The following CDHR3 variants were observed in gnomAD, a reference collection of about 807,000 sequenced individuals.
The protein encoded by CDHR3 is cadherin related family member 3.
A neutral mutation model predicts 86.6 loss-of-function variants in CDHR3; 79 were observed. The observed-to-expected ratio is 0.91, with a 90% CI of 0.76 to 1.10. The LOEUF (loss-of-function observed/expected upper bound fraction) is 1.10. Ranked by LOEUF, CDHR3 falls within the 50% of genes least tolerant of loss-of-function variation. The pLI, the probability that CDHR3 is intolerant of heterozygous loss-of-function variation, is 0.00. For synonymous variants in CDHR3, 421 were observed against 402.4 expected (o/e 1.05, Z -0.55); for missense variants, 1,081 against 1,077.6 (o/e 1.00, Z -0.04).
chr7:105,970,183 G>C (rs1486382024), intron 1 of CDHR3, among the ~76,000 whole-genome samples: 1 of 145,596 alleles, frequency 6.9e-6, no homozygotes, highest in Non-Finnish European at 1.5e-5. Flanking sequence ...GAAGAAGATG[G>C]CATCACCCCA....
At chr7:106,024,599 CCTTTAGGACACTGT>C in intron 15 of CDHR3, 37 bp downstream of exon 15, 1 of 1,588,378 alleles carries the variant, frequency 6.3e-7, no homozygotes, top group East Asian at 2.2e-5. Context: ...TTCCCCACCT[CCTTTAGGACACTGT>C]TTCTGGTGAC....
intron 14 of CDHR3, among the ~76,000 whole-genome samples, chr7:106,022,795 A>G (rs907185069): frequency 4.0e-5 from 6 of 151,898 alleles, no homozygotes; most frequent in African/African-American, 1.2e-4. Context: ...TACCTTCACA[A>G]CCCCTCTCTG....
intron 18 of CDHR3, among the ~76,000 whole-genome samples, chr7:106,032,192 C>T (rs958203620): frequency 3.2e-4 from 49 of 152,282 alleles, no homozygotes; most frequent in East Asian, 1.9e-4. Context: ...CTGTGTGGTC[C>T]GAGCAGCACG....
In CDHR3 at chr7:106,032,605, T is replaced by C. The variant is rs1391531519; in HGVS notation, c.2566T>C (p.Ser856Pro). The C allele has an allele frequency of 6.2e-7, 1 of 1,613,760 alleles. No homozygotes were observed. Among genetic ancestry groups the C allele is most frequent in the Non-Finnish European group, 8.5e-7 (1 of 1,179,876 alleles). ...GTGGGCTGAGGATGCTGGTCTGGGT[T>C]CCAGAAATGAGGGTGGCAAGCTGGG... ...KAWAEDAGLG[S>P]RNEGGKLGNP... The change falls in exon 19 of 19, where the codon TCC becomes CCC. Residue 856 changes from serine to proline, a missense_variant. Coordinates refer to ENST00000317716, the MANE Select transcript of CDHR3 (RefSeq NM_152750.5).
intron 8 of CDHR3, chr7:106,004,895 A>G (rs1833732531): frequency 1.7e-6 from 1 of 587,544 alleles, no homozygotes; most frequent in African/African-American, 1.9e-5. Context: ...CTTCTTCATT[A>G]TCTCCCTTGT....
intron 8 of CDHR3, among the ~76,000 whole-genome samples, chr7:106,008,616 C>T (rs1834307130): frequency 6.6e-6 from 1 of 152,026 alleles, no homozygotes; most frequent in African/African-American, 2.4e-5. Flanking sequence ...CCTACAAGTC[C>T]ATTAGATGGG....
At position 106,032,785 on chromosome 7, in the gene CDHR3, A is replaced by G; in HGVS notation, c.*88A>G. ...ATGGTGTGGGCATGGTGTAGGGGGG[A>G]AAATGTGGGCTGAGGGGATTCAGAC... On this transcript the variant is annotated 3_prime_UTR_variant, in exon 19 of 19. Coordinates refer to ENST00000317716, the MANE Select transcript of CDHR3 (RefSeq NM_152750.5). The G allele has an allele frequency of 2.9e-6, 4 of 1,364,186 alleles. No individual in the cohort carries two copies. Among genetic ancestry groups the G allele is most frequent in the South Asian group, 1.5e-5 (1 of 66,734 alleles). 84.5% of individuals were successfully genotyped at this position (1,364,186 alleles called of 1,614,324 possible). A position where few individuals can be genotyped will look rare whatever the true frequency, so the allele number is the denominator to read the frequency against.
At chr7:106,003,675 C>T (rs1272479413) in intron 7 of CDHR3, among the ~76,000 whole-genome samples, 1 of 152,138 alleles carries the variant, frequency 6.6e-6, no homozygotes, top group East Asian at 1.9e-4. Flanking sequence ...GTCCTGATTG[C>T]ATCACCAAAA....
intron 12 of CDHR3, 128 bp from the exon 13 acceptor site, chr7:106,020,244 AT>A (rs1836356563): frequency 8.1e-6 from 6 of 739,424 alleles, no homozygotes; most frequent in Middle Eastern, 3.5e-4. Flanking sequence ...GGGAATAATC[AT>A]GTTAGCTATC....
Position 106,033,696 on chromosome 7 carries a change from GTGCCAC to G in CDHR3, c.*1003_*1008del, listed in dbSNP as rs1469767323. The stretch of plus-strand genomic sequence containing the variant: ...GTGGAGGTTACAGTGAGTTGAGATT[GTGCCAC>G]TGCACTCTAGCCTGGGTGACAAAGC... On this transcript the variant is annotated 3_prime_UTR_variant, in exon 19 of 19. Coordinates refer to ENST00000317716, the MANE Select transcript of CDHR3 (RefSeq NM_152750.5). The G allele has an allele frequency of 3.3e-5, 5 of 152,094 alleles. No homozygotes were observed. The highest frequency in any genetic ancestry group is 1.2e-4 in the African/African-American group (5 of 41,380). 9.4% of individuals were successfully genotyped at this position (152,094 alleles called of 1,614,324 possible). A position where few individuals can be genotyped will look rare whatever the true frequency, so the allele number is the denominator to read the frequency against.
rs527597409 is a variant in CDHR3, at chr7:106,029,505, A to G, written c.2304+923A>G. On this transcript the variant is annotated intron_variant, in intron 17 of 18. Transcript: ENST00000317716. ...AATTGTTAAGTGTCACACAAATGCA[A>G]AGTGTTACAGGATAGCTGGAAAGTT... 4.0e-5 allele frequency among the ~76,000 whole-genome samples: 6 copies of G among 151,390 alleles called. No individual in the cohort carries two copies. The Middle Eastern group carries it at 0.01, about 257-fold the overall frequency.
intron 1 of CDHR3, among the ~76,000 whole-genome samples, chr7:105,971,235 G>T (rs986202930): frequency 6.6e-6 from 1 of 151,990 alleles, no homozygotes; most frequent in African/African-American, 2.4e-5. Flanking sequence ...CTGCCTCAAA[G>T]TTTTAAGGAT....
chr7:106,016,997 A>G (rs1835732375), intron 11 of CDHR3, among the ~76,000 whole-genome samples: 1 of 152,222 alleles, frequency 6.6e-6, no homozygotes, highest in Non-Finnish European at 1.5e-5. Context: ...CTACAAAACA[A>G]GCCAGAATGC....
chr7:106,001,419 G>A (rs200450151), intron 6 of CDHR3, 43 bp from the exon 7 acceptor site: 109 of 1,607,910 alleles, frequency 6.8e-5, no homozygotes, highest in East Asian at 1.3e-4. Context: ...CTACCTTCCC[G>A]TGCCCCTGGA....
At chr7:106,013,720 C>A (rs918826244) in intron 9 of CDHR3, among the ~76,000 whole-genome samples, 60 of 152,250 alleles carry the variant, frequency 3.9e-4, no homozygotes, top group African/African-American at 1.4e-3. Flanking sequence ...CCATCCCAAG[C>A]CCTTCTTCAA....
rs1838854216 is a variant in CDHR3, at chr7:106,035,622, A to G, written c.*2925A>G. Among the ~76,000 whole-genome samples, 1 of 152,218 alleles carries G rather than the reference A, an allele frequency of 6.6e-6. No homozygotes were observed. Among genetic ancestry groups the G allele is most frequent in the South Asian group, 2.1e-4 (1 of 4,832 alleles). On this transcript the variant is annotated 3_prime_UTR_variant, in exon 19 of 19. Coordinates refer to ENST00000317716, the MANE Select transcript of CDHR3 (RefSeq NM_152750.5). ...TCAAGGGCCCAGATACAGTCTTCTC[A>G]GTCCAAATACCCCTTGGAGGTTTCC...
In CDHR3 at chr7:106,032,540, G is replaced by A; in HGVS notation, c.2501G>A (p.Arg834Lys). ...GCTGGGGAAGGGATGGGGTCACTGA[G>A]AAGTGCCAACTGGGAAGAAGATGAG... is the stretch of plus-strand genomic sequence containing the variant. ...VTAGEGMGSL[R>K]SANWEEDELS... is the part of the protein sequence containing the mutation. The change falls in exon 19 of 19, where the codon AGA (arginine) becomes AAA (lysine). Residue 834 changes from arginine to lysine, a missense_variant. Coordinates refer to ENST00000317716, the MANE Select transcript of CDHR3 (RefSeq NM_152750.5). 2 of 1,614,014 alleles carry A rather than the reference G, an allele frequency of 1.2e-6. No homozygotes were observed. Among genetic ancestry groups the A allele is most frequent in the African/African-American group, 1.3e-5 (1 of 75,056 alleles).
intron 11 of CDHR3, among the ~76,000 whole-genome samples, chr7:106,016,635 G>A (rs1030953283): frequency 6.6e-6 from 1 of 152,054 alleles, no homozygotes; most frequent in South Asian, 2.1e-4. Flanking sequence ...CCCCACAGCC[G>A]TTCATCTTTA....
intron 8 of CDHR3, among the ~76,000 whole-genome samples, chr7:106,011,697 G>T (rs1036362892): frequency 6.6e-6 from 1 of 152,222 alleles, no homozygotes; most frequent in Non-Finnish European, 1.5e-5. Context: ...ATAGATGGAG[G>T]AACTGAAACC....
Sources: allele counts gnomAD v4.1 joint callset (sites outside exome capture counted in the v4.1 genomes callset), GRCh38; gene constraint gnomAD v4.1.1; transcripts MANE v1.5; gene names NCBI Gene and HGNC (gene_info 2026-07-23, HGNC 2026-07-21).